The following TCERG1L variants were observed in gnomAD, a reference collection of about 807,000 sequenced individuals.
The protein encoded by TCERG1L is transcription elongation regulator 1 like.
Under a neutral mutation model 56.3 loss-of-function variants are expected in TCERG1L, and 37 were observed. The observed-to-expected ratio is 0.66, with a 90% confidence interval of 0.51 to 0.87. The LOEUF (loss-of-function observed/expected upper bound fraction) is 0.87, where lower values mean the gene tolerates loss of function less well. Among genes scored for constraint, TCERG1L ranks in the 40% least tolerant of loss-of-function variants. The pLI is 0.00. For missense variants in TCERG1L, 799 were observed against 774.2 expected (o/e 1.03, Z -0.38); for synonymous variants, 324 against 326.3 (o/e 0.99, Z 0.08).
chr10:131,223,038 C>T (rs12762958), intron 4 of TCERG1L, among the ~76,000 whole-genome samples: 6 of 152,198 alleles, frequency 3.9e-5, no homozygotes, highest in African/African-American at 9.7e-5. Flanking sequence ...CTGGGGTTCA[C>T]GAGATGCAAG....
At chr10:131,198,218 G>A (rs549684785) in intron 4 of TCERG1L, among the ~76,000 whole-genome samples, 43 of 152,360 alleles carry the variant, frequency 2.8e-4, no homozygotes, top group African/African-American at 1.0e-3. Flanking sequence ...TTATCACTAT[G>A]TACGTGGCAT....
intron 6 of TCERG1L, chr10:131,160,894 A>C (rs1486936710): frequency 6.6e-6 from 1 of 152,208 alleles, no homozygotes; most frequent in Non-Finnish European, 1.5e-5. Context: ...GCTCAAGGTC[A>C]AGTCTTCTGG....
chr10:131,178,309 G>A (rs557200629), intron 4 of TCERG1L, among the ~76,000 whole-genome samples: 7 of 152,326 alleles, frequency 4.6e-5, no homozygotes, highest in South Asian at 2.1e-4. Context: ...CTAGCGCGGG[G>A]CCCTGGACGT....
rs1229272401 is a variant in TCERG1L at position 131,101,636 on chromosome 10, C to T, written c.1485+2629G>A. ...GACACTGCCCGGTTTATGGCTCCTG[C>T]CTATGCCCTCCAGTGATTCTGTCAC... is the stretch of plus-strand genomic sequence containing the variant. On this transcript the variant is annotated intron_variant, in intron 10 of 11. Transcript: ENST00000368642. Among the ~76,000 whole-genome samples, 4 of 152,198 alleles carry T rather than the reference C, an allele frequency of 2.6e-5. No homozygotes were observed. The East Asian group carries it at 5.8e-4, about 22-fold the overall frequency.
chr10:131,266,063 TTTG>T (rs2133548684), intron 3 of TCERG1L, among the ~76,000 whole-genome samples: 1 of 152,380 alleles, frequency 6.6e-6, no homozygotes, highest in African/African-American at 2.4e-5. Context: ...TTCTAAATCC[TTTG>T]TTATTATTTC....
chr10:131,212,001 C>A (rs563642288), intron 4 of TCERG1L, among the ~76,000 whole-genome samples: 1 of 152,124 alleles, frequency 6.6e-6, no homozygotes, highest in East Asian at 1.9e-4. Flanking sequence ...GATTAGCAAG[C>A]AAGAATTAAT....
chr10:131,305,666 C>G (rs1199264709), intron 3 of TCERG1L, among the ~76,000 whole-genome samples: 1 of 152,054 alleles, frequency 6.6e-6, no homozygotes, highest in Non-Finnish European at 1.5e-5. Flanking sequence ...ATAAGCTTAG[C>G]TCACTAGACC....
At chr10:131,126,967 A>G (rs906498037) in intron 8 of TCERG1L, among the ~76,000 whole-genome samples, 6 of 152,148 alleles carry the variant, frequency 3.9e-5, no homozygotes, top group Non-Finnish European at 8.8e-5. Flanking sequence ...AGGCTGATTA[A>G]TCACTGAAAA....
rs142858029 is a variant in TCERG1L at position 131,200,669 on chromosome 10, C to T, written c.857-33784G>A. On this transcript the variant is annotated intron_variant, in intron 4 of 11. Transcript: ENST00000368642. ...CTCATATGATGTTTAAAAGACTCTG[C>T]GCTTTTGAGTTGATGCTAGAACAAG... Among the ~76,000 whole-genome samples the T allele has an allele frequency of 3.7e-4, 57 of 152,224 alleles. 1 individual carries two copies. The highest frequency in any genetic ancestry group is 1.2e-3 in the East Asian group (6 of 5,168).
At chr10:131,308,683 T>C (rs1846842767) in intron 2 of TCERG1L, among the ~76,000 whole-genome samples, 1 of 152,244 alleles carries the variant, frequency 6.6e-6, no homozygotes, top group African/African-American at 2.4e-5. Context: ...ATGACTAAGC[T>C]GTATGACAAG....
At chr10:131,233,773 C>T (rs1413957601) in intron 4 of TCERG1L, among the ~76,000 whole-genome samples, 1 of 152,134 alleles carries the variant, frequency 6.6e-6, no homozygotes, top group Non-Finnish European at 1.5e-5. Context: ...CCCACCAAAA[C>T]GCATGATGAA....
At chr10:131,232,896 T>C (rs1019367019) in intron 4 of TCERG1L, among the ~76,000 whole-genome samples, 2 of 152,236 alleles carry the variant, frequency 1.3e-5, no homozygotes, top group African/African-American at 2.4e-5. Context: ...CATTCTGTTA[T>C]CCCACAGTCT....
intron 6 of TCERG1L, among the ~76,000 whole-genome samples, chr10:131,147,534 G>C (rs555112239): frequency 1.3e-5 from 2 of 152,340 alleles, no homozygotes; most frequent in East Asian, 3.9e-4. Flanking sequence ...GTGTCAGGGT[G>C]CTATTAGAGA....
intron 3 of TCERG1L, among the ~76,000 whole-genome samples, chr10:131,301,638 C>T (rs1846762382): frequency 6.6e-6 from 1 of 151,350 alleles, no homozygotes; most frequent in East Asian, 1.9e-4. Context: ...ACTGAGAAAA[C>T]GTAACCTCGT....
chr10:131,309,350 C>T, intron 1 of TCERG1L, 51 bp from the exon 2 acceptor site: 29 of 1,549,136 alleles, frequency 1.9e-5, no homozygotes, highest in Non-Finnish European at 1.9e-5. Context: ...TCCATCCACT[C>T]GACTTCATGC....
In TCERG1L at chr10:131,092,948, A is replaced by T. The variant is rs1332196589; in HGVS notation, c.*214T>A. On this transcript the variant is annotated 3_prime_UTR_variant, in exon 12 of 12. Transcript: ENST00000368642. ...AAAACAATTAAGGGATCGACGTATC[A>T]CGGTGATTAGAAATGCATCAAACTC... The T allele has an allele frequency of 3.9e-6, 2 of 514,810 alleles. No individual in the cohort carries two copies. The highest frequency in any genetic ancestry group is 6.8e-6 in the Non-Finnish European group (2 of 293,182). The allele number at this position is 514,810 out of a possible 1,614,324, so 31.9% of individuals were successfully genotyped here.
chr10:131,234,724 C>T lies in TCERG1L; in HGVS notation c.856+25535G>A, dbSNP rs561140270. Among the ~76,000 whole-genome samples the T allele has an allele frequency of 1.3e-3, 192 of 145,920 alleles. 1 individual carries two copies. The highest frequency in any genetic ancestry group is 2.4e-3 in the Non-Finnish European group (160 of 67,334). On this transcript the variant is annotated intron_variant, in intron 4 of 11. Transcript: ENST00000368642. ...TTTGTTTTGTTGTGTTTTTTTGAGACGGAGTCTTCTTGCTCTATCACCAGG... is the reference window on the plus strand; with the variant it reads ...TTTGTTTTGTTGTGTTTTTTTGAGATGGAGTCTTCTTGCTCTATCACCAGG...
At chr10:131,310,293 C>G (rs982277906) in intron 1 of TCERG1L, among the ~76,000 whole-genome samples, 1 of 152,140 alleles carries the variant, frequency 6.6e-6, no homozygotes, top group South Asian at 2.1e-4. Flanking sequence ...AAACTACCAA[C>G]GTTTCTTGAA....
At chr10:131,242,093 A>T (rs1186156024) in intron 4 of TCERG1L, among the ~76,000 whole-genome samples, 1 of 152,232 alleles carries the variant, frequency 6.6e-6, no homozygotes, top group Non-Finnish European at 1.5e-5. Flanking sequence ...GGGATCTGGA[A>T]TACTTTTATT....
Sources: gnomAD v4.1 joint callset for allele counts (sites outside exome capture counted in the v4.1 genomes callset) on GRCh38, gnomAD v4.1.1 for gene constraint, MANE v1.5 for transcripts, NCBI Gene and HGNC (gene_info 2026-07-23, HGNC 2026-07-21) for gene names.